CSNK2A2: variants seen among roughly 807,000 people sequenced by gnomAD.
CSNK2A2 encodes the protein casein kinase II subunit alpha'.
In CSNK2A2, 8 loss-of-function variants were observed where a neutral mutation model predicts 54.0. The ratio of observed to expected loss-of-function variants is 0.15; its 90% CI spans 0.09 to 0.27. The LOEUF (loss-of-function observed/expected upper bound fraction) is 0.27. Ranked by LOEUF, CSNK2A2 falls within the 10% of genes least tolerant of loss-of-function variation. The probability of loss-of-function intolerance (pLI) is 1.00; values close to 1 mark genes in which losing one functional copy is unlikely to be tolerated. For synonymous variants in CSNK2A2, 141 were observed against 153.9 expected (o/e 0.92, Z 0.62); for missense variants, 242 against 439.4 (o/e 0.55, Z 4.02).
chr16:58,175,146 G>C lies in CSNK2A2; in HGVS notation c.370-636C>G, dbSNP rs536616358. 2.6e-5 allele frequency among the ~76,000 whole-genome samples: 4 copies of C among 152,266 alleles called. No homozygotes were observed. The South Asian group carries it at 8.3e-4, about 32-fold the overall frequency. ...GTCTTAGGAGTGAAAAAAGACAGGG[G>C]TATCAAAAATGATCACTGGCCAAAC... is the stretch of plus-strand genomic sequence containing the variant. On this transcript the variant is annotated intron_variant, in intron 4 of 11. Transcript: ENST00000262506.
chr16:58,185,351 G>A (rs1962164614), intron 3 of CSNK2A2, among the ~76,000 whole-genome samples: 3 of 152,186 alleles, frequency 2.0e-5, no homozygotes, highest in African/African-American at 7.2e-5. Flanking sequence ...CTCTCAACGG[G>A]AGAATAGTGG....
chr16:58,190,099 G>T (rs978170115), intron 2 of CSNK2A2, among the ~76,000 whole-genome samples: 1 of 152,054 alleles, frequency 6.6e-6, no homozygotes, highest in Non-Finnish European at 1.5e-5. Context: ...TTTCCACAAC[G>T]ATCTCACAGT....
intron 2 of CSNK2A2, among the ~76,000 whole-genome samples, chr16:58,188,696 A>G (rs966912677): frequency 6.6e-6 from 1 of 152,224 alleles, no homozygotes; most frequent in Non-Finnish European, 1.5e-5. Flanking sequence ...GTAAGAAACT[A>G]TTTTTAGGAA....
At position 58,197,590 on chromosome 16, in the gene CSNK2A2, G is replaced by T; in HGVS notation, c.104+43C>A. 1 of 1,386,464 alleles carries T rather than the reference G, an allele frequency of 7.2e-7. No individual in the cohort carries two copies. The highest frequency in any genetic ancestry group is 9.8e-7 in the Non-Finnish European group (1 of 1,015,882). 85.9% of individuals were successfully genotyped at this position (1,386,464 alleles called of 1,614,324 possible). ...GGTTCGCAGGGGGTGGCCGGGCGGG[G>T]GCAGGGATCAGCGGGCCCGGCGGGG... On this transcript the variant is annotated intron_variant, in intron 1 of 11. Transcript: ENST00000262506. The surrounding 1 kb of genome is among the most constrained non-coding windows in gnomAD (Gnocchi z 4.0).
In CSNK2A2 at chr16:58,197,701, G is replaced by A; in HGVS notation, c.36C>T (p.Val12=). 1.9e-6 allele frequency: 3 copies of A among 1,539,806 alleles called. No individual in the cohort carries two copies. Among genetic ancestry groups the A allele is most frequent in the Non-Finnish European group, 1.7e-6 (2 of 1,146,150 alleles). The change falls in exon 1 of 12, where the codon GTC becomes GTT. Residue 12 remains valine (V), a synonymous_variant. Coordinates refer to ENST00000262506, the MANE Select transcript of CSNK2A2 (RefSeq NM_001896.4). The surrounding 1 kb of genome is among the most constrained non-coding windows in gnomAD (Gnocchi z 4.0). ...TCCTCAGACTGTTCACCTCGGCGTA[G>A]ACCCGGGCCCTGCTGCCCGCGGCCG... ...PGPAAGSRAR[V]YAEVNSLRSR... is the part of the protein sequence containing the mutation.
chr16:58,174,347 T>G (rs1014971509), intron 5 of CSNK2A2, 104 bp downstream of exon 5: 9 of 754,384 alleles, frequency 1.2e-5, no homozygotes, highest in Non-Finnish European at 1.9e-5. Flanking sequence ...CTAAATCCTC[T>G]GGGTATCAAG....
chr16:58,181,151 G>A (rs911716661), intron 4 of CSNK2A2, among the ~76,000 whole-genome samples: 1 of 152,172 alleles, frequency 6.6e-6, no homozygotes, highest in South Asian at 2.1e-4. Flanking sequence ...ACCGTAAAAG[G>A]AGCAGGGAGA....
At chr16:58,180,811 T>C (rs1262520007) in intron 4 of CSNK2A2, among the ~76,000 whole-genome samples, 1 of 152,170 alleles carries the variant, frequency 6.6e-6, no homozygotes, top group Non-Finnish European at 1.5e-5. Flanking sequence ...ACTCTCTGGG[T>C]GATAATCTTA....
chr16:58,193,924 T>C (rs767968473), intron 2 of CSNK2A2, among the ~76,000 whole-genome samples: 1 of 152,226 alleles, frequency 6.6e-6, no homozygotes, highest in African/African-American at 2.4e-5. Flanking sequence ...CAGTAAAATT[T>C]TGCTCACCAG....
chr16:58,183,254 G>GT (rs1177307360), intron 4 of CSNK2A2, among the ~76,000 whole-genome samples: 1 of 151,834 alleles, frequency 6.6e-6, no homozygotes, highest in Non-Finnish European at 1.5e-5. Flanking sequence ...GTGCATGCCT[G>GT]TAATCTCAGC....
chr16:58,191,176 C>A (rs1962312370), intron 2 of CSNK2A2, among the ~76,000 whole-genome samples: 1 of 152,086 alleles, frequency 6.6e-6, no homozygotes. Flanking sequence ...TAGTCAAATT[C>A]ATAGAAACAG....
rs201094981 is a variant in CSNK2A2, at chr16:58,180,108, CAG to C, written c.369+4150_369+4151del. ...AAAAAAAAAAAAAGAAAAAGAGAAA[CAG>C]AATCCAATGAGTTTAATTCAACTCA... On this transcript the variant is annotated intron_variant, in intron 4 of 11. Transcript: ENST00000262506. 7.1e-3 allele frequency among the ~76,000 whole-genome samples: 1,029 copies of C among 145,294 alleles called. 14 individuals carry two copies. Among genetic ancestry groups the C allele is most frequent in the African/African-American group, 0.025 (979 of 39,458 alleles).
At chr16:58,191,654 C>T (rs1372365551) in intron 2 of CSNK2A2, among the ~76,000 whole-genome samples, 2 of 151,894 alleles carry the variant, frequency 1.3e-5, no homozygotes, top group Non-Finnish European at 2.9e-5. Context: ...TGAGGCACCG[C>T]GCCTAGCCTA....
intron 11 of CSNK2A2, chr16:58,161,592 T>C (rs1227954357): frequency 7.6e-6 from 1 of 131,614 alleles, no homozygotes; most frequent in Non-Finnish European, 1.6e-5. Flanking sequence ...CACACCCCTT[T>C]TGGAACTCTC....
chr16:58,164,169 G>GT, intron 10 of CSNK2A2, 22 bp from the exon 11 acceptor site: 1 of 1,612,690 alleles, frequency 6.2e-7, no homozygotes, highest in South Asian at 1.1e-5. Flanking sequence ...CAGGAGGAAA[G>GT]TCAGGCAATC....
chr16:58,187,787 G>A (rs990559756), intron 2 of CSNK2A2, among the ~76,000 whole-genome samples: 5 of 152,234 alleles, frequency 3.3e-5, no homozygotes, highest in Admixed American at 1.3e-4. Context: ...GCAGAGTTGA[G>A]CTATCTGCCC....
chr16:58,181,201 G>T (rs1181298295), intron 4 of CSNK2A2, among the ~76,000 whole-genome samples: 1 of 152,180 alleles, frequency 6.6e-6, no homozygotes, highest in Non-Finnish European at 1.5e-5. Context: ...AAACAACATT[G>T]TGAAGCTAGA....
intron 6 of CSNK2A2, 86 bp from the exon 7 acceptor site, chr16:58,167,881 A>G: frequency 9.9e-7 from 1 of 1,014,784 alleles, no homozygotes; most frequent in South Asian, 1.3e-5. Flanking sequence ...ATTAGGTAAC[A>G]ATCATTTGGC....
At chr16:58,173,552 A>G (rs1352447631) in intron 5 of CSNK2A2, among the ~76,000 whole-genome samples, 1 of 152,190 alleles carries the variant, frequency 6.6e-6, no homozygotes, top group African/African-American at 2.4e-5. Flanking sequence ...TCATTCCTCC[A>G]CCAACCAGTA....
Sources: allele counts gnomAD v4.1 joint callset (sites outside exome capture counted in the v4.1 genomes callset), GRCh38; gene constraint gnomAD v4.1.1; non-coding constraint Gnocchi (gnomAD v3.1); transcripts MANE v1.5; gene names NCBI Gene and HGNC (gene_info 2026-07-23, HGNC 2026-07-21).